The following SLC24A2 variants were observed in gnomAD, a reference collection of about 807,000 sequenced individuals.
SLC24A2 encodes the protein solute carrier family 24 member 2.
Under a neutral mutation model 62.0 loss-of-function variants are expected in SLC24A2, and 36 were observed. That is an observed-to-expected ratio of 0.58 (90% CI 0.44 to 0.77). The LOEUF is 0.77. Among genes scored for constraint, SLC24A2 ranks in the 30% least tolerant of loss-of-function variants. The pLI is 0.00. For synonymous variants in SLC24A2, 358 were observed against 294.0 expected (o/e 1.22, Z -2.23); for missense variants, 846 against 817.9 (o/e 1.03, Z -0.42).
chr9:19,606,048 G>A (rs961613422), intron 4 of SLC24A2, among the ~76,000 whole-genome samples: 1 of 152,190 alleles, frequency 6.6e-6, no homozygotes, highest in African/African-American at 2.4e-5. Flanking sequence ...ATTGTGTGAT[G>A]TCACCTTTGA....
At chr9:19,715,918 G>A (rs1334348900) in intron 2 of SLC24A2, among the ~76,000 whole-genome samples, 2 of 152,066 alleles carry the variant, frequency 1.3e-5, no homozygotes, top group Admixed American at 1.3e-4. Context: ...TTTGAAGTGG[G>A]GGAGAAGAAA....
At chr9:19,911,750 T>G in the SLC24A2 span, among the ~76,000 whole-genome samples, 1 of 152,160 alleles carries the variant, frequency 6.6e-6, no homozygotes, top group Non-Finnish European at 1.5e-5. Context: ...GCCTGTCCTA[T>G]GGTAGGAACT....
intron 5 of SLC24A2, among the ~76,000 whole-genome samples, chr9:19,579,870 C>T (rs1836150717): frequency 6.6e-6 from 1 of 152,208 alleles, no homozygotes. Context: ...GCCATGCCCT[C>T]TGCCAGGAAG....
chr9:20,156,325 G>C, the SLC24A2 span, among the ~76,000 whole-genome samples: 8 of 151,744 alleles, frequency 5.3e-5, no homozygotes. Context: ...CTCTGGAGCA[G>C]ATATTCAAGG....
chr9:19,873,552 T>TTCTTTCTTTCTTTCTTTCTTTCTTTCTC, the SLC24A2 span, among the ~76,000 whole-genome samples: 25 of 149,580 alleles, frequency 1.7e-4, no homozygotes, highest in East Asian at 4.5e-3. Flanking sequence ...CTTTCTTTCT[T>TTCTTTCTTTCTTTCTTTCTTTCTTTCTC]TCTCTCTCTC....
At chr9:19,915,549 G>A in the SLC24A2 span, among the ~76,000 whole-genome samples, 1 of 152,062 alleles carries the variant, frequency 6.6e-6, no homozygotes, top group Non-Finnish European at 1.5e-5. Flanking sequence ...ATTCCCACCA[G>A]CAATATATTA....
chr9:20,232,505 T>C, the SLC24A2 span, among the ~76,000 whole-genome samples: 19 of 152,212 alleles, frequency 1.2e-4, no homozygotes, highest in Non-Finnish European at 2.2e-4. Flanking sequence ...TCTTCTAGAT[T>C]TTGTAGTTTA....
At chr9:20,004,898 A>G in the SLC24A2 span, among the ~76,000 whole-genome samples, 40 of 152,216 alleles carry the variant, frequency 2.6e-4, no homozygotes, top group Non-Finnish European at 4.4e-4. Context: ...CTTGAAAACA[A>G]TATCACTTTT....
the SLC24A2 span, among the ~76,000 whole-genome samples, chr9:20,030,220 GA>G: frequency 1.6e-4 from 24 of 152,212 alleles, no homozygotes; most frequent in African/African-American, 5.8e-4. Flanking sequence ...GGCCAGATGT[GA>G]AGATACTTTT....
chr9:20,082,771 C>A, the SLC24A2 span, among the ~76,000 whole-genome samples: 1 of 152,218 alleles, frequency 6.6e-6, no homozygotes. Flanking sequence ...GAATTGATTT[C>A]AAATTATTTC....
At chr9:19,789,062 G>C (rs991774823), upstream of SLC24A2, among the ~76,000 whole-genome samples, 1 of 152,182 alleles carries the variant, frequency 6.6e-6, no homozygotes, top group Non-Finnish European at 1.5e-5. Flanking sequence ...CCGGCGCTCC[G>C]AGTCTGGCGC....
the SLC24A2 span, among the ~76,000 whole-genome samples, chr9:19,999,098 A>G: frequency 1.3e-5 from 2 of 152,250 alleles, no homozygotes; most frequent in Admixed American, 1.3e-4. Context: ...TGTAAAATGA[A>G]GATGCTAATG....
chr9:19,971,433 T>C, the SLC24A2 span, among the ~76,000 whole-genome samples: 10 of 152,306 alleles, frequency 6.6e-5, no homozygotes, highest in African/African-American at 1.9e-4. Flanking sequence ...ACATGTTATA[T>C]GAAAGCTACA....
At chr9:20,167,747 T>A in the SLC24A2 span, among the ~76,000 whole-genome samples, 1 of 151,888 alleles carries the variant, frequency 6.6e-6, no homozygotes, top group South Asian at 2.1e-4. Context: ...AGATACTGGG[T>A]CTCACCTTTT....
At chr9:19,931,901 G>C in the SLC24A2 span, among the ~76,000 whole-genome samples, 1 of 151,534 alleles carries the variant, frequency 6.6e-6, no homozygotes, top group Non-Finnish European at 1.5e-5. Flanking sequence ...GACTGAACTG[G>C]GTTTTTAATT....
the SLC24A2 span, among the ~76,000 whole-genome samples, chr9:20,256,994 G>A: frequency 3.3e-5 from 5 of 151,980 alleles, no homozygotes; most frequent in African/African-American, 1.2e-4. Flanking sequence ...TATTCTCTTT[G>A]CACAATTAAA....
the SLC24A2 span, among the ~76,000 whole-genome samples, chr9:20,258,317 C>G: frequency 0.66 from 101,041 of 152,164 alleles, 36,122 homozygotes; most frequent in East Asian, 0.95. Flanking sequence ...CTCCTCTGTT[C>G]AAAGAGAAAC....
chr9:19,664,416 A>C (rs1335117993), intron 2 of SLC24A2, among the ~76,000 whole-genome samples: 12 of 152,246 alleles, frequency 7.9e-5, no homozygotes, highest in Non-Finnish European at 1.6e-4. Context: ...TGAGGAACAC[A>C]TGACACACAT....
At chr9:20,252,010 C>T in the SLC24A2 span, among the ~76,000 whole-genome samples, 1 of 152,222 alleles carries the variant, frequency 6.6e-6, no homozygotes, top group Non-Finnish European at 1.5e-5. Flanking sequence ...CTTGGGTCAC[C>T]TGCCCATTCC....
Sources: allele counts gnomAD v4.1 joint callset (sites outside exome capture counted in the v4.1 genomes callset), GRCh38; gene constraint gnomAD v4.1.1; transcripts MANE v1.5; gene names NCBI Gene and HGNC (gene_info 2026-07-23, HGNC 2026-07-21).